Variants in RBFOX3 observed in about 807,000 individuals in gnomAD.
RBFOX3 encodes the protein RNA binding protein fox-1 homolog 3.
In RBFOX3, 17 loss-of-function variants were observed where a neutral mutation model predicts 48.7. That is an observed-to-expected ratio of 0.35 (90% CI 0.24 to 0.52). RBFOX3 has a LOEUF of 0.52. RBFOX3 is among the 20% of genes least tolerant of loss of function. RBFOX3 has a pLI of 0.94. For missense variants in RBFOX3, 382 were observed against 497.5 expected, an observed-to-expected ratio of 0.77 and a Z score of 2.21; for synonymous variants, 212 against 209.5, an observed-to-expected ratio of 1.01 and a Z score of -0.10.
At chr17:79,303,791 A>T (rs1600519890) in intron 3 of RBFOX3, among the ~76,000 whole-genome samples, 1 of 151,922 alleles carries the variant, frequency 6.6e-6, no homozygotes, top group Non-Finnish European at 1.5e-5. Flanking sequence ...ACGTGTGTGT[A>T]TGTACCTGCG....
At chr17:79,313,669 G>T (rs2077152077) in intron 2 of RBFOX3, among the ~76,000 whole-genome samples, 2 of 152,160 alleles carry the variant, frequency 1.3e-5, no homozygotes, top group Non-Finnish European at 2.9e-5. Flanking sequence ...GCTCCGTCAT[G>T]GGTACCCCTT....
At chr17:79,341,232 G>T (rs1267243573) in intron 2 of RBFOX3, among the ~76,000 whole-genome samples, 1 of 152,220 alleles carries the variant, frequency 6.6e-6, no homozygotes, top group Non-Finnish European at 1.5e-5. Context: ...GCAGGCAGGG[G>T]TACACAGGTG....
chr17:79,598,001 A>G (rs1375938533), intron 1 of RBFOX3: 1 of 152,216 alleles, frequency 6.6e-6, no homozygotes, highest in Non-Finnish European at 1.5e-5. Context: ...GGAACCCCAC[A>G]ATCTGAAGAG....
intron 4 of RBFOX3, among the ~76,000 whole-genome samples, chr17:79,207,808 T>C (rs2057722465): frequency 1.3e-5 from 2 of 152,176 alleles, no homozygotes; most frequent in Admixed American, 6.5e-5. Context: ...TCCTGCACGC[T>C]CACACCTCCT....
intron 4 of RBFOX3, among the ~76,000 whole-genome samples, chr17:79,161,547 G>T (rs2046985272): frequency 6.6e-6 from 1 of 152,210 alleles, no homozygotes; most frequent in African/African-American, 2.4e-5. Context: ...CTTGCAGCTG[G>T]TGGTTGAAGT....
At chr17:79,518,415 G>A (rs1373193294) in intron 1 of RBFOX3, among the ~76,000 whole-genome samples, 1 of 152,202 alleles carries the variant, frequency 6.6e-6, no homozygotes, top group African/African-American at 2.4e-5. Flanking sequence ...GGAAGCCCCT[G>A]TGATGGCCTG....
At chr17:79,660,419 CAG>C in the RBFOX3 span, among the ~76,000 whole-genome samples, 72 of 152,176 alleles carry the variant, frequency 4.7e-4, no homozygotes, top group African/African-American at 1.6e-3. Flanking sequence ...GTCTGATAGC[CAG>C]AGTCTATAAG....
chr17:79,426,755 A>G (rs955010252), intron 2 of RBFOX3, among the ~76,000 whole-genome samples: 1 of 152,034 alleles, frequency 6.6e-6, no homozygotes, highest in Non-Finnish European at 1.5e-5. Context: ...CCCAGGCTGG[A>G]GTGCAGTGGT....
intron 2 of RBFOX3, among the ~76,000 whole-genome samples, chr17:79,378,378 T>C (rs1483901441): frequency 6.6e-6 from 1 of 152,098 alleles, no homozygotes; most frequent in Non-Finnish European, 1.5e-5. Context: ...TAGTAACACA[T>C]GAGTTAGACA....
chr17:79,110,085 C>T (rs2030366275), intron 5 of RBFOX3, among the ~76,000 whole-genome samples: 1 of 151,686 alleles, frequency 6.6e-6, no homozygotes, highest in Non-Finnish European at 1.5e-5. Flanking sequence ...GTCCAGCAGC[C>T]TCCACCGCCT....
At chr17:79,370,508 G>A (rs894733189) in intron 2 of RBFOX3, among the ~76,000 whole-genome samples, 3 of 150,854 alleles carry the variant, frequency 2.0e-5, no homozygotes, top group Non-Finnish European at 3.0e-5. Flanking sequence ...GCACACACAC[G>A]TACACGTCTC....
At chr17:79,585,604 C>A (rs1259707427) in intron 1 of RBFOX3, among the ~76,000 whole-genome samples, 1 of 151,804 alleles carries the variant, frequency 6.6e-6, no homozygotes, top group Admixed American at 6.6e-5. Flanking sequence ...TGTTTAAGAC[C>A]TGGGGGAGGT....
At chr17:79,132,199 C>T (rs545421167) in intron 4 of RBFOX3, among the ~76,000 whole-genome samples, 1 of 142,826 alleles carries the variant, frequency 7.0e-6, no homozygotes, top group Non-Finnish European at 1.5e-5. Flanking sequence ...AGGCTGCTGG[C>T]CAGCTGGGGC....
At chr17:79,096,163 CAGTG>C (rs2075203295) in intron 12 of RBFOX3, among the ~76,000 whole-genome samples, 1 of 152,192 alleles carries the variant, frequency 6.6e-6, no homozygotes, top group Admixed American at 6.5e-5. Flanking sequence ...GTGTGGCCGT[CAGTG>C]AGTCTGAGAC....
chr17:79,356,348 G>GTGTTTTTTTTTTTTTTT, intron 2 of RBFOX3, among the ~76,000 whole-genome samples: 1 of 47,328 alleles, frequency 2.1e-5, no homozygotes, highest in East Asian at 6.7e-4. Flanking sequence ...AAACAGGGAA[G>GTGTTTTTTTTTTTTTTT]TTTTTTTTTT....
chr17:79,422,227 C>T (rs1555722850), intron 2 of RBFOX3, among the ~76,000 whole-genome samples: 2 of 152,008 alleles, frequency 1.3e-5, no homozygotes, highest in East Asian at 1.9e-4. Flanking sequence ...GCAGTTGGGA[C>T]GGGCACGCGG....
intron 1 of RBFOX3, among the ~76,000 whole-genome samples, chr17:79,494,601 A>G (rs982760726): frequency 2.0e-5 from 3 of 152,238 alleles, no homozygotes; most frequent in Non-Finnish European, 2.9e-5. Context: ...GGGAATGAGC[A>G]GCTTTCTGAA....
At chr17:79,577,274 T>C (rs1397031617) in intron 1 of RBFOX3, among the ~76,000 whole-genome samples, 2 of 152,080 alleles carry the variant, frequency 1.3e-5, no homozygotes, top group East Asian at 1.9e-4. Context: ...GAGTAAGACA[T>C]TGGAGAACCT....
chr17:79,596,211 G>A (rs2093565724), intron 1 of RBFOX3, among the ~76,000 whole-genome samples: 1 of 152,212 alleles, frequency 6.6e-6, no homozygotes, highest in Non-Finnish European at 1.5e-5. Context: ...CACGCTCCAA[G>A]GTTCACTTCC....
Sources: allele counts gnomAD v4.1 joint callset (sites outside exome capture counted in the v4.1 genomes callset), GRCh38; gene constraint gnomAD v4.1.1; transcripts MANE v1.5; gene names NCBI Gene and HGNC (gene_info 2026-07-23, HGNC 2026-07-21).